NCALD: variants seen among roughly 807,000 people sequenced by gnomAD.
The protein encoded by NCALD is neurocalcin-delta.
In NCALD, 10 loss-of-function variants were observed where a neutral mutation model predicts 18.6. That is an observed-to-expected ratio of 0.54 (90% CI 0.33 to 0.91). The LOEUF (loss-of-function observed/expected upper bound fraction) is 0.91. Among genes scored for constraint, NCALD ranks in the 40% least tolerant of loss-of-function variants. NCALD has a pLI of 0.03. For missense variants in NCALD, 184 were observed against 247.6 expected, an observed-to-expected ratio of 0.74 and a Z score of 1.72; for synonymous variants, 88 against 87.4, an observed-to-expected ratio of 1.01 and a Z score of -0.04.
chr8:101,849,209 G>T (rs1352255428), intron 4 of NCALD, among the ~76,000 whole-genome samples: 2 of 152,138 alleles, frequency 1.3e-5, no homozygotes, highest in Non-Finnish European at 2.9e-5. Context: ...GCCTGTGAGG[G>T]ATGGGGAGGG....
chr8:101,693,065 G>C, intron 2 of NCALD, 169 bp from the exon 3 acceptor site: 1 of 526,496 alleles, frequency 1.9e-6, no homozygotes, highest in African/African-American at 1.9e-5. Flanking sequence ...AGAAGAAGCC[G>C]GGCCCACAAA....
At chr8:101,861,917 A>G (rs1437920248) in intron 4 of NCALD, among the ~76,000 whole-genome samples, 2 of 152,222 alleles carry the variant, frequency 1.3e-5, no homozygotes, top group African/African-American at 4.8e-5. Flanking sequence ...TTCACTGTAC[A>G]GTGCTGCAGT....
chr8:101,728,275 C>T (rs1380326946), intron 1 of NCALD, among the ~76,000 whole-genome samples: 3 of 151,760 alleles, frequency 2.0e-5, no homozygotes, highest in Non-Finnish European at 4.4e-5. Context: ...TGCAGCCTTG[C>T]ATTTCTGCGA....
chr8:101,905,944 G>T (rs1266704854), intron 3 of NCALD, among the ~76,000 whole-genome samples: 2 of 152,188 alleles, frequency 1.3e-5, no homozygotes, highest in Non-Finnish European at 2.9e-5. Context: ...AATTAGTGAA[G>T]TAAGTCAATT....
intron 1 of NCALD, among the ~76,000 whole-genome samples, chr8:102,027,868 G>A (rs1822517490): frequency 6.6e-6 from 1 of 152,158 alleles, no homozygotes; most frequent in African/African-American, 2.4e-5. Flanking sequence ...TGAGCAAAAG[G>A]TGGGAAAAGC....
intron 4 of NCALD, among the ~76,000 whole-genome samples, chr8:101,884,030 C>T (rs941624944): frequency 1.3e-5 from 2 of 152,236 alleles, no homozygotes; most frequent in Non-Finnish European, 2.9e-5. Context: ...CTTTCATGAT[C>T]TGGCTCCTGC....
At position 101,725,961 on chromosome 8, in the gene NCALD, A is replaced by G. The variant is rs142883728; in HGVS notation, c.-19-6313T>C. ...GAATTTTGAATAAGAAGCCAGGGAA[A>G]GCCCCACTGAGAAAGCAACACTGGG... On this transcript the variant is annotated intron_variant, in intron 1 of 3. Coordinates refer to ENST00000220931, the MANE Select transcript of NCALD (RefSeq NM_032041.3). 2.8e-4 allele frequency among the ~76,000 whole-genome samples: 43 copies of G among 152,340 alleles called. 1 individual carries two copies. Among genetic ancestry groups the G allele is most frequent in the Middle Eastern group, 6.8e-3 (2 of 294 alleles).
chr8:101,981,522 T>C (rs1043705817), intron 2 of NCALD, among the ~76,000 whole-genome samples: 1 of 152,244 alleles, frequency 6.6e-6, no homozygotes, highest in African/African-American at 2.4e-5. Context: ...CAGCTGCTTA[T>C]GAAAGGATTA....
At chr8:101,992,410 T>C (rs925475455) in intron 2 of NCALD, among the ~76,000 whole-genome samples, 1 of 152,152 alleles carries the variant, frequency 6.6e-6, no homozygotes, top group Non-Finnish European at 1.5e-5. Flanking sequence ...AATATTAAAA[T>C]ACACAAAGAC....
intron 4 of NCALD, among the ~76,000 whole-genome samples, chr8:101,883,703 C>T (rs574576038): frequency 3.5e-4 from 54 of 152,304 alleles, no homozygotes; most frequent in African/African-American, 1.2e-3. Flanking sequence ...CACTTACATG[C>T]AATACAATTT....
intron 2 of NCALD, among the ~76,000 whole-genome samples, chr8:101,982,481 G>T (rs1820656746): frequency 6.6e-6 from 1 of 152,114 alleles, no homozygotes; most frequent in African/African-American, 2.4e-5. Flanking sequence ...AAGCCACTGT[G>T]CAAGAAGTTA....
intron 3 of NCALD, among the ~76,000 whole-genome samples, chr8:101,914,534 C>A (rs901652810): frequency 1.3e-5 from 2 of 152,118 alleles, no homozygotes; most frequent in African/African-American, 4.8e-5. Context: ...ATGCTTTACC[C>A]CCTGAAAGGC....
At chr8:101,771,604 A>C (rs755519405) in intron 1 of NCALD, among the ~76,000 whole-genome samples, 16 of 152,186 alleles carry the variant, frequency 1.1e-4, no homozygotes, top group Non-Finnish European at 2.2e-4. Flanking sequence ...TAAGGAAATT[A>C]TTAGGATTAT....
At chr8:101,903,519 C>T (rs1015439855) in intron 3 of NCALD, among the ~76,000 whole-genome samples, 2 of 152,102 alleles carry the variant, frequency 1.3e-5, no homozygotes, top group African/African-American at 2.4e-5. Context: ...TTCATCTGTG[C>T]TTTTGTGTTG....
At chr8:101,951,411 G>A (rs935731963) in intron 2 of NCALD, among the ~76,000 whole-genome samples, 2 of 152,142 alleles carry the variant, frequency 1.3e-5, no homozygotes, top group Non-Finnish European at 2.9e-5. Flanking sequence ...GTGAGGAGCT[G>A]GCGAAGACGG....
At chr8:101,856,346 T>C (rs1327134046) in intron 4 of NCALD, among the ~76,000 whole-genome samples, 1 of 152,134 alleles carries the variant, frequency 6.6e-6, no homozygotes, top group East Asian at 1.9e-4. Context: ...CTAACTTTTA[T>C]ATTTTTCTTT....
chr8:101,993,619 A>G (rs1289042172), intron 2 of NCALD, among the ~76,000 whole-genome samples: 1 of 152,150 alleles, frequency 6.6e-6, no homozygotes. Context: ...AGCTCCAACA[A>G]GTTCCCTCCT....
intron 1 of NCALD, among the ~76,000 whole-genome samples, chr8:101,740,552 T>TATA (rs1282254450): frequency 5.9e-5 from 9 of 152,232 alleles, no homozygotes; most frequent in Non-Finnish European, 1.2e-4. Context: ...AGGATGTGTG[T>TATA]ATATTTGTGT....
At chr8:102,106,445 G>GTATATATATATATATATATATATA (rs369201039) in intron 1 of NCALD, among the ~76,000 whole-genome samples, 7 of 132,666 alleles carry the variant, frequency 5.3e-5, no homozygotes, top group Non-Finnish European at 8.1e-5. Context: ...TTAGCATATA[G>GTATATATATATATATATATATATA]TATATATATA....
Sources: allele counts gnomAD v4.1 joint callset (sites outside exome capture counted in the v4.1 genomes callset), GRCh38; gene constraint gnomAD v4.1.1; transcripts MANE v1.5; gene names NCBI Gene and HGNC (gene_info 2026-07-23, HGNC 2026-07-21).